DOCK1: variants seen among roughly 807,000 people sequenced by gnomAD.
DOCK1 encodes the protein dedicator of cytokinesis protein 1.
A neutral mutation model predicts 262.7 loss-of-function variants in DOCK1; 138 were observed. The ratio of observed to expected loss-of-function variants is 0.53; its 90% confidence interval spans 0.46 to 0.61. DOCK1 has a LOEUF of 0.61. Among genes scored for constraint, DOCK1 ranks in the 20% least tolerant of loss-of-function variants. DOCK1 has a pLI of 0.00. For synonymous variants in DOCK1, 866 were observed against 867.4 expected (o/e 1.00, Z 0.03); for missense variants, 1,908 against 2,370.7 (o/e 0.80, Z 4.05).
intron 18 of DOCK1, among the ~76,000 whole-genome samples, chr10:127,032,940 A>G (rs1273450504): frequency 3.3e-5 from 5 of 152,148 alleles, no homozygotes; most frequent in African/African-American, 1.2e-4. Flanking sequence ...GACATAAAGG[A>G]AAGTGCACAA....
chr10:126,906,794 C>G (rs1002816917), intron 1 of DOCK1, among the ~76,000 whole-genome samples: 1 of 152,226 alleles, frequency 6.6e-6, no homozygotes, highest in Non-Finnish European at 1.5e-5. Flanking sequence ...TTGCTTCTCT[C>G]TGCTGTCAAT....
chr10:126,968,807 A>T (rs1172547122), intron 1 of DOCK1, among the ~76,000 whole-genome samples: 1 of 152,204 alleles, frequency 6.6e-6, no homozygotes, highest in African/African-American at 2.4e-5. Context: ...CCTTCACCTG[A>T]TGCAGTTATT....
chr10:126,973,293 A>G (rs912000705), intron 2 of DOCK1, among the ~76,000 whole-genome samples: 7 of 151,122 alleles, frequency 4.6e-5, no homozygotes, highest in Non-Finnish European at 8.8e-5. Flanking sequence ...TGGTGGTGCA[A>G]TTTCAGCTCA....
At chr10:127,418,298 C>G in intron 44 of DOCK1, 67 bp from the exon 45 acceptor site, 1 of 1,472,440 alleles carries the variant, frequency 6.8e-7, no homozygotes, top group Non-Finnish European at 9.1e-7. Context: ...CACGTGGCTC[C>G]TCTGGTGAGA....
chr10:126,989,492 A>G (rs1220718823), intron 5 of DOCK1, among the ~76,000 whole-genome samples: 1 of 151,886 alleles, frequency 6.6e-6, no homozygotes, highest in Non-Finnish European at 1.5e-5. Flanking sequence ...ATGCTCAGCT[A>G]ATTTTTTTAA....
chr10:126,948,289 GTGGT>G (rs2035756498), intron 1 of DOCK1, among the ~76,000 whole-genome samples: 4 of 6,190 alleles, frequency 6.5e-4, no homozygotes, highest in Non-Finnish European at 3.9e-4. Context: ...GGTGATGGTG[GTGGT>G]TGGTAGTATT....
At chr10:126,982,512 A>C (rs184046006) in intron 4 of DOCK1, among the ~76,000 whole-genome samples, 25 of 152,330 alleles carry the variant, frequency 1.6e-4, no homozygotes, top group African/African-American at 5.3e-4. Context: ...TGGCAGATGA[A>C]TAACCAGGTG....
At chr10:126,935,887 C>T (rs932220674) in intron 1 of DOCK1, among the ~76,000 whole-genome samples, 5 of 152,178 alleles carry the variant, frequency 3.3e-5, no homozygotes, top group African/African-American at 9.7e-5. Context: ...GTTGAATGGA[C>T]GAGGCTGAAA....
intron 26 of DOCK1, among the ~76,000 whole-genome samples, chr10:127,126,286 G>A (rs1323693497): frequency 6.6e-6 from 1 of 151,932 alleles, no homozygotes; most frequent in African/African-American, 2.4e-5. Context: ...TAGTACAGAC[G>A]GGGTTTCACT....
chr10:127,341,680 T>A (rs954301792), intron 30 of DOCK1, among the ~76,000 whole-genome samples: 3 of 152,200 alleles, frequency 2.0e-5, no homozygotes, highest in Non-Finnish European at 4.4e-5. Flanking sequence ...CTCAACATGT[T>A]GGTTCTCCCT....
intron 16 of DOCK1, among the ~76,000 whole-genome samples, chr10:127,029,569 G>A (rs561187952): frequency 2.5e-4 from 38 of 152,326 alleles, no homozygotes; most frequent in Admixed American, 4.6e-4. Flanking sequence ...ATTGTAGTGG[G>A]CTTGTTGGGT....
At chr10:127,243,799 C>A (rs528457414) in intron 27 of DOCK1, among the ~76,000 whole-genome samples, 44 of 152,176 alleles carry the variant, frequency 2.9e-4, no homozygotes, top group African/African-American at 1.1e-3. Flanking sequence ...GAGAGTTTGT[C>A]CCTCCTGCCA....
At chr10:127,431,948 GC>G (rs1306224361) in intron 47 of DOCK1, among the ~76,000 whole-genome samples, 2 of 152,156 alleles carry the variant, frequency 1.3e-5, no homozygotes, top group African/African-American at 4.8e-5. Flanking sequence ...TACTGTCTGA[GC>G]TCTGCCTCCT....
chr10:126,921,435 T>A (rs2134105911), intron 1 of DOCK1, among the ~76,000 whole-genome samples: 1 of 152,276 alleles, frequency 6.6e-6, no homozygotes, highest in South Asian at 2.1e-4. Flanking sequence ...AAGAAGCCAG[T>A]CACAGAGGGA....
chr10:127,283,296 G>C (rs1280484216), intron 29 of DOCK1, among the ~76,000 whole-genome samples: 1 of 152,200 alleles, frequency 6.6e-6, no homozygotes, highest in Non-Finnish European at 1.5e-5. Flanking sequence ...AATGGGAAAG[G>C]AGGCCTGGAC....
chr10:127,073,762 C>T (rs573643467), intron 23 of DOCK1, among the ~76,000 whole-genome samples: 1 of 152,316 alleles, frequency 6.6e-6, no homozygotes, highest in South Asian at 2.1e-4. Context: ...AGTAGAGCTT[C>T]ATAATGCAGA....
chr10:126,982,311 C>T (rs2039044584), intron 4 of DOCK1, among the ~76,000 whole-genome samples: 1 of 152,136 alleles, frequency 6.6e-6, no homozygotes, highest in Admixed American at 6.5e-5. Flanking sequence ...AGCTCTGAGT[C>T]CCCTTTTTTT....
intron 27 of DOCK1, among the ~76,000 whole-genome samples, chr10:127,185,295 G>A (rs1016068367): frequency 1.4e-4 from 22 of 152,200 alleles, no homozygotes; most frequent in African/African-American, 5.1e-4. Flanking sequence ...TTGGGAGGCT[G>A]AGGTGGGTGG....
chr10:127,027,619 C>T (rs896684822), intron 16 of DOCK1, among the ~76,000 whole-genome samples: 3 of 152,096 alleles, frequency 2.0e-5, no homozygotes, highest in African/African-American at 7.2e-5. Flanking sequence ...AAACATTAAA[C>T]CTTCCTCCTA....
Sources: gnomAD v4.1 joint callset for allele counts (sites outside exome capture counted in the v4.1 genomes callset) on GRCh38, gnomAD v4.1.1 for gene constraint, MANE v1.5 for transcripts, NCBI Gene and HGNC (gene_info 2026-07-23, HGNC 2026-07-21) for gene names.